The following CSPG4 variants were observed in gnomAD, a reference collection of about 807,000 sequenced individuals.
CSPG4 encodes chondroitin sulfate proteoglycan 4 (melanoma-associated).
Under a neutral mutation model 139.3 loss-of-function variants are expected in CSPG4, and 74 were observed. The observed-to-expected ratio is 0.53, with a 90% CI of 0.44 to 0.64. The LOEUF is 0.64. Ranked by LOEUF, CSPG4 falls within the 30% of genes least tolerant of loss-of-function variation. The pLI is 0.00. For missense variants in CSPG4, 2,565 were observed against 3,148.3 expected (o/e 0.81, Z 4.43); for synonymous variants, 1,234 against 1,394.2 (o/e 0.89, Z 2.56).
rs149811704 is a variant in CSPG4, at chr15:75,688,498, C to A, written c.2567G>T (p.Arg856Leu). ...ACGTGCTGTGGCCCCATAGGTCACC[C>A]GGCCAGCCTGTATGTCATCCTGGGT... Reference protein sequence around the residue: ...GFTQDDIQAGRVTYGATARAS... With the variant: ...GFTQDDIQAGLVTYGATARAS... The change falls in exon 3 of 10, where the codon CGG becomes CTG. Residue 856 changes from arginine (R) to leucine (L), a missense_variant. By Grantham distance (102) the Arg-to-Leu change is moderately radical. Transcript: ENST00000308508. 6.2e-7 allele frequency: 1 copy of A among 1,613,196 alleles called. No homozygotes were observed. The highest frequency in any genetic ancestry group is 1.7e-5 in the Admixed American group (1 of 60,024).
intron 2 of CSPG4, among the ~76,000 whole-genome samples, chr15:75,692,018 G>A (rs1894170805): frequency 6.6e-6 from 1 of 152,160 alleles, no homozygotes. Context: ...TTTGGTTCTT[G>A]TTGCCCAGGC....
intron 1 of CSPG4, among the ~76,000 whole-genome samples, chr15:75,711,475 C>T (rs1333368937): frequency 6.6e-6 from 1 of 152,108 alleles, no homozygotes; most frequent in Non-Finnish European, 1.5e-5. Context: ...ATCTCCCTGG[C>T]GGCCCAGCCC....
At chr15:75,684,183 G>A (rs1422156221) in intron 5 of CSPG4, among the ~76,000 whole-genome samples, 1 of 152,220 alleles carries the variant, frequency 6.6e-6, no homozygotes, top group Non-Finnish European at 1.5e-5. Flanking sequence ...TGCCCTTTCT[G>A]TTCCACCAGA....
At chr15:75,697,539 C>A (rs1291756945) in intron 1 of CSPG4, among the ~76,000 whole-genome samples, 1 of 152,206 alleles carries the variant, frequency 6.6e-6, no homozygotes, top group Non-Finnish European at 1.5e-5. Context: ...TGAGCCCTAC[C>A]CACCCAGGCA....
At chr15:75,700,221 C>T (rs1894283141) in intron 1 of CSPG4, among the ~76,000 whole-genome samples, 1 of 152,164 alleles carries the variant, frequency 6.6e-6, no homozygotes, top group Non-Finnish European at 1.5e-5. Flanking sequence ...CCCAGAGAGG[C>T]GTGGTGGGTT....
rs760052033 is a variant in CSPG4, at chr15:75,689,403, G to A, written c.1662C>T (p.His554=). The A allele has an allele frequency of 1.9e-6, 3 of 1,612,752 alleles. No individual in the cohort carries two copies. Among genetic ancestry groups the A allele is most frequent in the Middle Eastern group, 1.7e-4 (1 of 5,980 alleles). The part of the protein sequence containing the change: ...IQVNPVNDPP[H]IIFPHGSLMV... ...TGAGGCTGCCATGTGGGAAGATGAT[G>A]TGGGGTGGGTCATTGACAGGGTTGA... Residue 554 remains histidine (H), a synonymous_variant, in exon 3 of 10, where the codon CAC becomes CAT. Transcript: ENST00000308508.
chr15:75,679,771 C>T (rs1222397867), intron 8 of CSPG4: 1 of 152,274 alleles, frequency 6.6e-6, no homozygotes, highest in African/African-American at 2.4e-5. Context: ...CCTCCACCTC[C>T]ACCTCCCGGG....
intron 1 of CSPG4, among the ~76,000 whole-genome samples, chr15:75,702,321 C>A (rs1329457264): frequency 6.6e-6 from 1 of 152,252 alleles, no homozygotes; most frequent in Non-Finnish European, 1.5e-5. Flanking sequence ...GCTGCTGGGC[C>A]AGCTCTTCTC....
Position 75,690,690 on chromosome 15 carries a change from G to T in CSPG4, c.375C>A (p.Val125=), listed in dbSNP as rs560964178. The change falls in exon 3 of 10, where the codon GTC becomes GTA. Residue 125 remains valine (V), a synonymous_variant. Transcript: ENST00000308508. ...TVVEGWATLS[V]DGFLNASSAV... ...CTGAGGAGGCGTTCAGAAACCCATC[G>T]ACTGACAACGTGGCCCAGCCCTCTA... 1 of 1,612,946 alleles carries T rather than the reference G, an allele frequency of 6.2e-7. No individual in the cohort carries two copies. Among genetic ancestry groups the T allele is most frequent in the Admixed American group, 1.7e-5 (1 of 60,024 alleles).
At chr15:75,682,532 C>G in intron 7 of CSPG4, 73 bp from the exon 8 acceptor site, 5 of 1,591,302 alleles carry the variant, frequency 3.1e-6, no homozygotes, top group Non-Finnish European at 4.3e-6. Flanking sequence ...AAAGAGGCAG[C>G]GTGACCCTGG....
rs1851522336 is a variant in CSPG4 at position 75,690,718 on chromosome 15, A to T, written c.347T>A (p.Val116Asp). Residue 116 changes from valine (V) to aspartate (D), a missense_variant, in exon 3 of 10, where the codon GTC (valine) becomes GAC (aspartate). Coordinates refer to ENST00000308508, the MANE Select transcript of CSPG4 (RefSeq NM_001897.5). ...DSIPHTVVLT[V>D]VEGWATLSVD... ...TGACAACGTGGCCCAGCCCTCTACGACAGTCAGCACCACAGTGTGGGGGAT... is the reference window on the plus strand; with the variant it reads ...TGACAACGTGGCCCAGCCCTCTACGTCAGTCAGCACCACAGTGTGGGGGAT... 1.7e-5 allele frequency: 28 copies of T among 1,613,190 alleles called. No homozygotes were observed. The highest frequency in any genetic ancestry group is 2.3e-5 in the Non-Finnish European group (27 of 1,180,024).
In CSPG4 at chr15:75,710,960, G is replaced by A. The variant is rs1029289395; in HGVS notation, c.88+1708C>T. Reference sequence around the variant, plus strand: ...TCCTTTGCCAACAGGGCATAAGGCCGTGGGCTTCATTTTGCCATTTAAGGC... The same window carrying A: ...TCCTTTGCCAACAGGGCATAAGGCCATGGGCTTCATTTTGCCATTTAAGGC... On this transcript the variant is annotated intron_variant, in intron 1 of 9. Transcript: ENST00000308508. 3.3e-5 allele frequency among the ~76,000 whole-genome samples: 5 copies of A among 152,226 alleles called. No homozygotes were observed. The East Asian group carries it at 9.7e-4, about 30-fold the overall frequency.
chr15:75,695,381 C>T (rs1337978053), intron 1 of CSPG4, among the ~76,000 whole-genome samples: 3 of 152,290 alleles, frequency 2.0e-5, no homozygotes, highest in Middle Eastern at 3.4e-3. Context: ...AGTAGAGGTA[C>T]TTTCCAGAGC....
At position 75,688,962 on chromosome 15, in the gene CSPG4, G is replaced by T; in HGVS notation, c.2103C>A (p.Phe701Leu). 6.2e-7 allele frequency: 1 copy of T among 1,612,572 alleles called. No homozygotes were observed. The highest frequency in any genetic ancestry group is 8.5e-7 in the Non-Finnish European group (1 of 1,180,026). Residue 701 changes from phenylalanine to leucine, a missense_variant, in exon 3 of 10, where the codon TTC becomes TTA. Physicochemically the swap from Phe to Leu is conservative, Grantham distance 22. Transcript: ENST00000308508. Reference sequence around the variant, plus strand: ...CAAACTGCAGGGCCCCAGTGACGCGGAACAGCACGCTCACATCCTGCCCCA... The same window carrying T: ...CAAACTGCAGGGCCCCAGTGACGCGTAACAGCACGCTCACATCCTGCCCCA... The part of the protein sequence containing the change: ...NAVGQDVSVL[F>L]RVTGALQFGE...
chr15:75,686,616 A>T (rs531583840), intron 3 of CSPG4, among the ~76,000 whole-genome samples: 84 of 152,324 alleles, frequency 5.5e-4, no homozygotes, highest in African/African-American at 2.0e-3. Context: ...CCCGGCCCAA[A>T]CGCTGCCTCC....
In CSPG4 at chr15:75,685,492, C is replaced by G; in HGVS notation, c.3999G>C (p.Ser1333=). Residue 1333 remains serine, a synonymous_variant, in exon 4 of 10, where the codon TCG becomes TCC. Transcript: ENST00000308508. ...CACCCAGGCCTGAGGCCACATCCAG[C>G]GAGAAGGCATCGCTCCAGGCCTCAG... The part of the protein sequence containing the change: ...SRPEAWSDAF[S]LDVASGLGAP... 3.1e-6 allele frequency: 5 copies of G among 1,611,492 alleles called. No homozygotes were observed. Among genetic ancestry groups the G allele is most frequent in the Non-Finnish European group, 4.2e-6 (5 of 1,179,706 alleles).
In CSPG4 at chr15:75,693,222, C is replaced by G. The variant is rs972672664; in HGVS notation, c.100G>C (p.Gly34Arg). 1.3e-5 allele frequency: 21 copies of G among 1,604,230 alleles called. No homozygotes were observed. The highest frequency in any genetic ancestry group is 1.7e-5 in the Non-Finnish European group (20 of 1,175,590). The change falls in exon 2 of 10, where the codon GGT becomes CGT. Residue 34 changes from glycine (G) to arginine (R), a missense_variant. By Grantham distance (125) the Gly-to-Arg change is moderately radical. This residue lies in a region of CSPG4 where 47 missense variants were observed against 48.7 expected (regional missense o/e 0.97). Coordinates refer to ENST00000308508, the MANE Select transcript of CSPG4 (RefSeq NM_001897.5). ...ARLASAASFF[G>R]ENHLEVPVAT... ...ACAGGCACCTCCAGGTGGTTCTCAC[C>G]GAAGAAGGAAGCTGTGTGAGAGAGG...
intron 1 of CSPG4, among the ~76,000 whole-genome samples, chr15:75,693,463 AG>A (rs1341026259): frequency 1.3e-5 from 2 of 152,172 alleles, no homozygotes; most frequent in African/African-American, 4.8e-5. Context: ...TATTTACAGG[AG>A]GTCAGACCCA....
chr15:75,683,770 C>T (rs1485059260), intron 5 of CSPG4, among the ~76,000 whole-genome samples: 3 of 152,222 alleles, frequency 2.0e-5, no homozygotes, highest in Non-Finnish European at 4.4e-5. Context: ...GAAAACAGAG[C>T]CTTCTGGCAT....
Sources: allele counts gnomAD v4.1 joint callset (sites outside exome capture counted in the v4.1 genomes callset), GRCh38; gene constraint gnomAD v4.1.1; regional missense constraint gnomAD v4.1.1; transcripts MANE v1.5; gene names NCBI Gene and HGNC (gene_info 2026-07-23, HGNC 2026-07-21).